The following ALDH9A1 variants were observed in gnomAD, a reference collection of about 807,000 sequenced individuals.
ALDH9A1 encodes the protein aldehyde dehydrogenase 9 family member A1, also known as 4-trimethylaminobutyraldehyde dehydrogenase.
ALDH9A1 carries 42 observed loss-of-function variants against 56.6 expected under a neutral mutation model. That is an observed-to-expected ratio of 0.74 (90% CI 0.58 to 0.96). ALDH9A1 has a LOEUF of 0.96. ALDH9A1 is among the 40% of genes least tolerant of loss of function. ALDH9A1 has a pLI of 0.00. For missense variants in ALDH9A1, 661 were observed against 651.5 expected (o/e 1.01, Z -0.16); for synonymous variants, 242 against 236.0 (o/e 1.03, Z -0.23).
At chr1:165,693,150 C>T (rs962925759) in intron 2 of ALDH9A1, among the ~76,000 whole-genome samples, 11 of 152,146 alleles carry the variant, frequency 7.2e-5, no homozygotes, top group Non-Finnish European at 1.5e-4. Context: ...AGGACACAGG[C>T]ATGGGCAAGG....
intron 2 of ALDH9A1, among the ~76,000 whole-genome samples, chr1:165,688,932 T>A (rs1339379584): frequency 6.6e-6 from 1 of 151,876 alleles, no homozygotes; most frequent in African/African-American, 2.4e-5. Context: ...CACACAGGTA[T>A]CAAAGGAAAA....
intron 6 of ALDH9A1, among the ~76,000 whole-genome samples, chr1:165,671,897 T>C (rs201796045): frequency 6.6e-6 from 1 of 152,108 alleles, no homozygotes; most frequent in East Asian, 1.9e-4. Flanking sequence ...CACAATGAGA[T>C]ACCACTTCAT....
chr1:165,675,267 A>C lies in ALDH9A1; in HGVS notation c.930+4175T>G, dbSNP rs12742657. The stretch of plus-strand genomic sequence containing the variant: ...TTTAGTGCTCTCTCTCTCTCTCTAT[A>C]TATATATAAAGTATACATAGTACAG... On this transcript the variant is annotated intron_variant, in intron 6 of 10. Transcript: ENST00000354775. Among the ~76,000 whole-genome samples the C allele has an allele frequency of 5.2e-3, 759 of 144,600 alleles. 8 individuals are homozygous for C. The highest frequency in any genetic ancestry group is 0.017 in the East Asian group (71 of 4,100). 94.9% of individuals were successfully genotyped at this position (144,600 alleles called of 152,430 possible).
intron 1 of ALDH9A1, among the ~76,000 whole-genome samples, chr1:165,696,293 T>G (rs1650081843): frequency 6.6e-6 from 1 of 152,232 alleles, no homozygotes; most frequent in African/African-American, 2.4e-5. Flanking sequence ...ATCAAGGATT[T>G]AGAGTTAAGA....
intron 6 of ALDH9A1, among the ~76,000 whole-genome samples, chr1:165,670,477 T>G (rs1207680383): frequency 6.6e-6 from 1 of 151,556 alleles, no homozygotes; most frequent in Non-Finnish European, 1.5e-5. Flanking sequence ...CTCTAAAACC[T>G]AGGTGTAGAA....
chr1:165,687,610 C>A (rs1462694966), intron 2 of ALDH9A1, among the ~76,000 whole-genome samples: 1 of 152,140 alleles, frequency 6.6e-6, no homozygotes, highest in Non-Finnish European at 1.5e-5. Flanking sequence ...TATTTACCTA[C>A]AATTCATTCA....
Position 165,669,270 on chromosome 1 carries a change from T to C in ALDH9A1, c.1111A>G (p.Lys371Glu), listed in dbSNP as rs896491681. Residue 371 changes from lysine to glutamate, a missense_variant, in exon 7 of 11, where the codon AAG becomes GAG. Lys to Glu is a moderately conservative substitution (Grantham distance 56, BLOSUM62 1). Coordinates refer to ENST00000354775, the MANE Select transcript of ALDH9A1 (RefSeq NM_000696.4). ...ERVLGFVKVA[K>E]EQGAKVLCGG... ...TGCCAATTATTTCTTACCTGCTCCT[T>C]TGCCACTTTGACAAACCCAAGGACT... 1.2e-5 allele frequency: 19 copies of C among 1,603,794 alleles called. No homozygotes were observed. The highest frequency in any genetic ancestry group is 1.5e-5 in the Non-Finnish European group (18 of 1,175,938).
chr1:165,698,414 C>G lies in ALDH9A1; in HGVS notation c.145G>C (p.Ala49Pro). Reference protein sequence around the residue: ...RGGARVEPADASGTEKAFEPA... With the variant: ...RGGARVEPADPSGTEKAFEPA... The stretch of plus-strand genomic sequence containing the variant: ...TCGAAAGCTTTCTCGGTACCGGAGG[C>G]GTCCGCCGGCTCCACGCGGGCCCCG... The change falls in exon 1 of 11, where the codon GCC becomes CCC. Residue 49 changes from alanine (A) to proline (P), a missense_variant. Transcript: ENST00000354775. 2 of 1,605,600 alleles carry G rather than the reference C, an allele frequency of 1.2e-6. No individual in the cohort carries two copies. The highest frequency in any genetic ancestry group is 1.7e-6 in the Non-Finnish European group (2 of 1,177,066).
intron 6 of ALDH9A1, among the ~76,000 whole-genome samples, chr1:165,677,857 C>CAAA (rs35531113): frequency 9.2e-5 from 8 of 87,152 alleles, no homozygotes; most frequent in African/African-American, 2.7e-4. Context: ...GACTCTGTCT[C>CAAA]AAAAAAAAAA....
intron 10 of ALDH9A1, among the ~76,000 whole-genome samples, chr1:165,664,575 A>G (rs1259057107): frequency 6.6e-6 from 1 of 152,232 alleles, no homozygotes; most frequent in African/African-American, 2.4e-5. Flanking sequence ...TGTTAATTTG[A>G]CATAACAGAG....
At chr1:165,694,530 A>G (rs1302254336) in intron 2 of ALDH9A1, among the ~76,000 whole-genome samples, 1 of 152,184 alleles carries the variant, frequency 6.6e-6, no homozygotes, top group South Asian at 2.1e-4. Context: ...GAACATCTAC[A>G]AATCTATGAA....
At chr1:165,692,131 T>G (rs971030306) in intron 2 of ALDH9A1, among the ~76,000 whole-genome samples, 1 of 152,144 alleles carries the variant, frequency 6.6e-6, no homozygotes, top group African/African-American at 2.4e-5. Context: ...GGGCAAAAAC[T>G]GGAAGCATTC....
intron 4 of ALDH9A1, among the ~76,000 whole-genome samples, chr1:165,681,804 T>C (rs755819545): frequency 6.6e-6 from 1 of 152,196 alleles, no homozygotes; most frequent in Non-Finnish European, 1.5e-5. Context: ...GAAGAGAACT[T>C]ATAAGTAGCA....
chr1:165,685,629 A>G (rs533339958), intron 2 of ALDH9A1, among the ~76,000 whole-genome samples: 2 of 152,332 alleles, frequency 1.3e-5, no homozygotes, highest in East Asian at 3.9e-4. Flanking sequence ...GACAGTATAC[A>G]CATGGTAAAC....
intron 6 of ALDH9A1, among the ~76,000 whole-genome samples, chr1:165,673,937 T>C (rs1044469107): frequency 6.6e-6 from 1 of 152,018 alleles, no homozygotes; most frequent in Non-Finnish European, 1.5e-5. Flanking sequence ...CAGGATAAGA[T>C]AGGAGATCAG....
chr1:165,679,579 T>A lies in ALDH9A1; in HGVS notation c.793A>T (p.Met265Leu). ...TGSVPTGMKI[M>L]EMSAKGIKPV... ...TTGATTCCTTTAGCTGACATCTCCA[T>A]GATCTTGCAGAACAAGGACAAGGTA... Residue 265 changes from methionine to leucine, a missense_variant, in exon 6 of 11, where the codon ATG (methionine) becomes TTG (leucine). Transcript: ENST00000354775. The A allele has an allele frequency of 6.2e-7, 1 of 1,614,198 alleles. No homozygotes were observed. The highest frequency in any genetic ancestry group is 1.3e-5 in the African/African-American group (1 of 75,056).
intron 4 of ALDH9A1, among the ~76,000 whole-genome samples, chr1:165,681,409 A>C (rs145744369): frequency 7.9e-4 from 120 of 152,332 alleles, no homozygotes; most frequent in African/African-American, 2.8e-3. Flanking sequence ...CTAGTGACTT[A>C]ATTCTGGTGA....
intron 6 of ALDH9A1, among the ~76,000 whole-genome samples, chr1:165,673,564 C>T (rs1477644158): frequency 2.6e-5 from 4 of 152,052 alleles, no homozygotes; most frequent in Non-Finnish European, 4.4e-5. Context: ...GAGATCCTCC[C>T]GACCCAAAAG....
At chr1:165,675,570 G>A (rs186110350) in intron 6 of ALDH9A1, among the ~76,000 whole-genome samples, 17 of 152,290 alleles carry the variant, frequency 1.1e-4, no homozygotes, top group Admixed American at 9.8e-4. Flanking sequence ...ACTGGAAACA[G>A]AGTACACAGG....
Sources: gnomAD v4.1 joint callset for allele counts (sites outside exome capture counted in the v4.1 genomes callset) on GRCh38, gnomAD v4.1.1 for gene constraint, MANE v1.5 for transcripts, NCBI Gene and HGNC (gene_info 2026-07-23, HGNC 2026-07-21) for gene names.